RAB27A: variants seen among roughly 807,000 people sequenced by gnomAD.
The protein encoded by RAB27A is ras-related protein Rab-27A.
RAB27A carries 17 observed loss-of-function variants against 20.8 expected under a neutral mutation model. That is an observed-to-expected ratio of 0.82 (90% CI 0.56 to 1.23). The LOEUF (loss-of-function observed/expected upper bound fraction) is 1.23. Ranked by LOEUF, RAB27A falls within the 50% of genes most tolerant of loss-of-function variation. The pLI is 0.00. For missense variants in RAB27A, 277 were observed against 266.7 expected (o/e 1.04, Z -0.27); for synonymous variants, 85 against 92.8 (o/e 0.92, Z 0.48).
chr15:55,214,397 C>A (rs892348153), intron 6 of RAB27A, among the ~76,000 whole-genome samples: 1 of 152,200 alleles, frequency 6.6e-6, no homozygotes, highest in Admixed American at 6.5e-5. Flanking sequence ...GATCACGCCA[C>A]TGCACTCCAG....
chr15:55,280,969 C>T (rs188967830), intron 1 of RAB27A, among the ~76,000 whole-genome samples: 5 of 152,148 alleles, frequency 3.3e-5, no homozygotes, highest in East Asian at 1.9e-4. Context: ...AATAAACATA[C>T]GTGTGCATGT....
intron 6 of RAB27A, among the ~76,000 whole-genome samples, chr15:55,212,215 G>A (rs1420229543): frequency 6.6e-6 from 1 of 152,000 alleles, no homozygotes; most frequent in African/African-American, 2.4e-5. Flanking sequence ...TTAAACTAAG[G>A]CTGAGAAAGA....
chr15:55,214,990 T>A (rs1415408816), intron 6 of RAB27A, among the ~76,000 whole-genome samples: 2 of 152,170 alleles, frequency 1.3e-5, no homozygotes, highest in African/African-American at 4.8e-5. Context: ...TTTCTTATAC[T>A]TAAGGAGAGG....
rs58042388 is a variant in RAB27A at position 55,243,602 on chromosome 15, G to A, written c.-22-8646C>T. On this transcript the variant is annotated intron_variant, in intron 2 of 6. Coordinates refer to ENST00000336787, the MANE Select transcript of RAB27A (RefSeq NM_183235.3). ...AGATCACACCACTGCACTACAGCCTGGGCGACACAGCGAGACTCTATCTCA... is the reference window on the plus strand; with the variant it reads ...AGATCACACCACTGCACTACAGCCTAGGCGACACAGCGAGACTCTATCTCA... Among the ~76,000 whole-genome samples the A allele has an allele frequency of 8.3e-3, 1,259 of 151,836 alleles. 23 individuals carry two copies. Among genetic ancestry groups the A allele is most frequent in the African/African-American group, 0.029 (1,209 of 41,364 alleles).
intron 3 of RAB27A, among the ~76,000 whole-genome samples, chr15:55,232,467 C>T (rs1449228632): frequency 2.0e-5 from 3 of 151,962 alleles, no homozygotes; most frequent in Non-Finnish European, 2.9e-5. Flanking sequence ...ATGGCTCATG[C>T]GCAGGAAAAA....
intron 2 of RAB27A, among the ~76,000 whole-genome samples, chr15:55,255,388 T>C (rs1897042278): frequency 6.6e-6 from 1 of 152,200 alleles, no homozygotes; most frequent in Non-Finnish European, 1.5e-5. Flanking sequence ...TCCCACCTCA[T>C]GGGTGTGTTT....
chr15:55,275,750 GAA>G (rs992516743), intron 1 of RAB27A, among the ~76,000 whole-genome samples: 1 of 150,014 alleles, frequency 6.7e-6, no homozygotes, highest in Non-Finnish European at 1.5e-5. Context: ...ACCCCCAAAA[GAA>G]AAAAAAATTT....
At chr15:55,271,664 CAG>C (rs1897710389) in intron 1 of RAB27A, among the ~76,000 whole-genome samples, 1 of 152,240 alleles carries the variant, frequency 6.6e-6, no homozygotes, top group Non-Finnish European at 1.5e-5. Flanking sequence ...ATCTTGAAGA[CAG>C]GGGTTGTATC....
chr15:55,206,208 CA>C (rs1420383641), intron 6 of RAB27A: 42 of 504,678 alleles, frequency 8.3e-5, no homozygotes, highest in East Asian at 6.0e-4. Flanking sequence ...TAGACTGTCT[CA>C]AAAAAAATCA....
At chr15:55,311,273 T>C (rs1299383919) in intron 2 of RAB27A, among the ~76,000 whole-genome samples, 1 of 152,190 alleles carries the variant, frequency 6.6e-6, no homozygotes, top group Non-Finnish European at 1.5e-5. Context: ...AACCTCAACA[T>C]AGCCATCAGG....
intron 1 of RAB27A, among the ~76,000 whole-genome samples, chr15:55,277,695 C>G (rs1423515415): frequency 1.3e-5 from 2 of 152,054 alleles, no homozygotes; most frequent in East Asian, 1.9e-4. Context: ...AAATGGGCAC[C>G]AAAAAATGTT....
intron 6 of RAB27A, among the ~76,000 whole-genome samples, chr15:55,218,742 CTTTT>C (rs565996048): frequency 7.4e-6 from 1 of 135,852 alleles, no homozygotes; most frequent in Non-Finnish European, 1.6e-5. Flanking sequence ...AGTTCACATT[CTTTT>C]TTTTTTTTTT....
intron 2 of RAB27A, among the ~76,000 whole-genome samples, chr15:55,265,793 G>A (rs2062564913): frequency 6.6e-6 from 1 of 152,166 alleles, no homozygotes; most frequent in South Asian, 2.1e-4. Context: ...AGTGGATGTG[G>A]CTGAAGGGAT....
rs562282271 is a variant in RAB27A, at chr15:55,207,488, T to C, written c.468-1783A>G. Among the ~76,000 whole-genome samples, 24 of 152,324 alleles carry C rather than the reference T, an allele frequency of 1.6e-4. No individual in the cohort carries two copies. In the South Asian group the frequency reaches 2.3e-3, roughly 14 times the overall value. Reference sequence around the variant, plus strand: ...GTGAGCTGTACAAATATTATCATTTTCTGCAGGTGCCATCCTATGAAAAAT... The same window carrying C: ...GTGAGCTGTACAAATATTATCATTTCCTGCAGGTGCCATCCTATGAAAAAT... On this transcript the variant is annotated intron_variant, in intron 6 of 6. Transcript: ENST00000336787.
intron 2 of RAB27A, among the ~76,000 whole-genome samples, chr15:55,303,594 C>T (rs1306899350): frequency 0.023 from 2,059 of 88,002 alleles, 146 homozygotes; most frequent in African/African-American, 0.11. Flanking sequence ...CCAGCCGCCC[C>T]GTCCGGGAGG....
At chr15:55,299,724 A>C (rs530327937) in intron 2 of RAB27A, among the ~76,000 whole-genome samples, 1 of 152,322 alleles carries the variant, frequency 6.6e-6, no homozygotes. Context: ...AGAAAAAAAC[A>C]AGTTTATCTT....
chr15:55,316,948 G>A (rs886874044), intron 1 of RAB27A, among the ~76,000 whole-genome samples: 2 of 152,174 alleles, frequency 1.3e-5, no homozygotes, highest in South Asian at 4.2e-4. Context: ...TCTGCCTGAG[G>A]TAGTTTAAGT....
chr15:55,205,599 A>G lies in RAB27A; in HGVS notation c.574T>C (p.Ser192Pro). Residue 192 changes from serine (S) to proline (P), a missense_variant, in exon 7 of 7, where the codon TCC (serine) becomes CCC (proline). Ser to Pro is a moderately conservative substitution (Grantham distance 74). Coordinates refer to ENST00000336787, the MANE Select transcript of RAB27A (RefSeq NM_183235.3). ...MKRMERCVDK[S>P]WIPEGVVRSN... ...CGCACCACTCCTTCAGGAATCCAGG[A>G]CTTGTCCACACACCGTTCCATTCGC... is the stretch of plus-strand genomic sequence containing the variant. 1 of 1,614,168 alleles carries G rather than the reference A, an allele frequency of 6.2e-7. No homozygotes were observed. Among genetic ancestry groups the G allele is most frequent in the South Asian group, 1.1e-5 (1 of 91,090 alleles).
At chr15:55,291,051 C>A (rs1410746626), upstream of RAB27A, among the ~76,000 whole-genome samples, 1 of 152,178 alleles carries the variant, frequency 6.6e-6, no homozygotes, top group East Asian at 1.9e-4. Context: ...TAGGATGAAC[C>A]ATATGAAATT....
Sources: allele counts gnomAD v4.1 joint callset (sites outside exome capture counted in the v4.1 genomes callset), GRCh38; gene constraint gnomAD v4.1.1; transcripts MANE v1.5; gene names NCBI Gene and HGNC (gene_info 2026-07-23, HGNC 2026-07-21).